The following ZSWIM5 variants were observed in gnomAD, a reference collection of about 807,000 sequenced individuals.
ZSWIM5 encodes the protein zinc finger SWIM domain-containing protein 5.
In ZSWIM5, 55 loss-of-function variants were observed where a neutral mutation model predicts 119.6. That is an observed-to-expected ratio of 0.46 (90% confidence interval 0.37 to 0.58). The LOEUF (loss-of-function observed/expected upper bound fraction) is 0.58, where lower values mean the gene tolerates loss of function less well. Among genes scored for constraint, ZSWIM5 ranks in the 20% least tolerant of loss-of-function variants. The probability of loss-of-function intolerance (pLI) is 0.00; values close to 1 mark genes in which losing one functional copy is unlikely to be tolerated. For synonymous variants in ZSWIM5, 537 were observed against 606.9 expected, an observed-to-expected ratio of 0.88 and a Z score of 1.69; for missense variants, 1,193 against 1,512.8, an observed-to-expected ratio of 0.79 and a Z score of 3.51.
At chr1:45,095,885 T>C (rs1209938670) in intron 1 of ZSWIM5, among the ~76,000 whole-genome samples, 1 of 151,794 alleles carries the variant, frequency 6.6e-6, no homozygotes, top group South Asian at 2.1e-4. Flanking sequence ...ATCTGTAAAA[T>C]AAAGAAAAAA....
At chr1:45,144,008 T>C (rs1234460506) in intron 1 of ZSWIM5, among the ~76,000 whole-genome samples, 6 of 152,058 alleles carry the variant, frequency 3.9e-5, no homozygotes, top group African/African-American at 7.2e-5. Flanking sequence ...CCTAAATAAA[T>C]AGAGAGATAT....
chr1:45,173,296 G>C (rs1423590290), intron 1 of ZSWIM5, among the ~76,000 whole-genome samples: 3 of 152,026 alleles, frequency 2.0e-5, no homozygotes, highest in African/African-American at 4.8e-5. Context: ...TACTGCTCTG[G>C]TACAGCACCA....
At chr1:45,130,137 A>T (rs1428821799) in intron 1 of ZSWIM5, among the ~76,000 whole-genome samples, 1 of 152,224 alleles carries the variant, frequency 6.6e-6, no homozygotes, top group East Asian at 1.9e-4. Context: ...ACCTCAAGTG[A>T]TCCACATGCC....
chr1:45,085,699 T>C (rs940286726), intron 2 of ZSWIM5, among the ~76,000 whole-genome samples: 10 of 152,062 alleles, frequency 6.6e-5, no homozygotes, highest in African/African-American at 2.4e-4. Flanking sequence ...GCCTCAAACA[T>C]CTTTGCTCCA....
At chr1:45,161,670 T>C (rs1645864463) in intron 1 of ZSWIM5, among the ~76,000 whole-genome samples, 2 of 152,346 alleles carry the variant, frequency 1.3e-5, no homozygotes, top group South Asian at 2.1e-4. Context: ...ATTGTAGTTA[T>C]AATTACAATA....
At chr1:45,183,801 G>C (rs1446013223) in intron 1 of ZSWIM5, among the ~76,000 whole-genome samples, 1 of 152,188 alleles carries the variant, frequency 6.6e-6, no homozygotes, top group East Asian at 1.9e-4. Flanking sequence ...TGGATTCACA[G>C]CTGAATTCTA....
rs1033500145 is a variant in ZSWIM5, at chr1:45,070,521, T to C, written c.953-10274A>G. On this transcript the variant is annotated intron_variant, in intron 2 of 13. Transcript: ENST00000359600. ...ATTTTCTGCCATCAAATTTGTAATATTCATGATTTTTTTCTGTTCTTTGCA... is the reference window on the plus strand; with the variant it reads ...ATTTTCTGCCATCAAATTTGTAATACTCATGATTTTTTTCTGTTCTTTGCA... The C allele has an allele frequency of 4.8e-6, 3 of 620,612 alleles. No homozygotes were observed. The African/African-American group carries it at 5.5e-5, about 11-fold the overall frequency. 38.4% of individuals were successfully genotyped at this position (620,612 alleles called of 1,614,324 possible).
rs201003392 is a variant in ZSWIM5, at chr1:45,068,092, TTTTTTTTTTTTTTTC to T, written c.953-7860_953-7846del. Among the ~76,000 whole-genome samples, 249 of 116,148 alleles carry T rather than the reference TTTTTTTTTTTTTTTC, an allele frequency of 2.1e-3. 4 individuals are homozygous for T. In the East Asian group the frequency reaches 0.052, roughly 24 times the overall value. The allele number at this position is 116,148 out of a possible 152,430, so 76.2% of individuals were successfully genotyped here. On this transcript the variant is annotated intron_variant, in intron 2 of 13. Coordinates refer to ENST00000359600, the MANE Select transcript of ZSWIM5 (RefSeq NM_020883.2). ...ATTAAGTCTAAGGAAGCAATTTTTC[TTTTTTTTTTTTTTTC>T]TTTTTTTTTTTTTGAGATGGAGTCT...
At chr1:45,183,628 C>CAA (rs1413622476) in intron 1 of ZSWIM5, among the ~76,000 whole-genome samples, 2 of 152,164 alleles carry the variant, frequency 1.3e-5, no homozygotes, top group African/African-American at 4.8e-5. Flanking sequence ...CACCTCTATG[C>CAA]AAATAAACTA....
chr1:45,080,766 C>T (rs1161355820), intron 2 of ZSWIM5, among the ~76,000 whole-genome samples: 1 of 152,084 alleles, frequency 6.6e-6, no homozygotes, highest in Admixed American at 6.6e-5. Context: ...GAACTGAAGT[C>T]CTGGCCAGGA....
intron 1 of ZSWIM5, among the ~76,000 whole-genome samples, chr1:45,119,676 T>C (rs346732): frequency 0.14 from 21,334 of 152,202 alleles, 1,552 homozygotes; most frequent in Non-Finnish European, 0.16. Context: ...TCATCGTCAG[T>C]AGCTGTCTTA....
intron 1 of ZSWIM5, among the ~76,000 whole-genome samples, chr1:45,152,925 C>G (rs1645805843): frequency 2.6e-5 from 4 of 151,464 alleles, no homozygotes; most frequent in Admixed American, 1.3e-4. Context: ...ACAAATAACC[C>G]CATTAAAAAA....
rs1645232244 is a variant in ZSWIM5 at position 45,072,850 on chromosome 1, T to C, written c.953-12603A>G. Among the ~76,000 whole-genome samples the C allele has an allele frequency of 6.6e-6, 1 of 152,050 alleles. No homozygotes were observed. The highest frequency in any genetic ancestry group is 2.4e-5 in the African/African-American group (1 of 41,284). On this transcript the variant is annotated intron_variant, in intron 2 of 13. Transcript: ENST00000359600. This position sits in a 1 kb window ranked among gnomAD's most constrained non-coding sequence, Gnocchi z 4.1. Reference sequence around the variant, plus strand: ...CTCTGTAGTATAATGTGAAGTCAAGTAATAACTCCAGTTTTGTTCTTTTTG... The same window carrying C: ...CTCTGTAGTATAATGTGAAGTCAAGCAATAACTCCAGTTTTGTTCTTTTTG...
chr1:45,020,032 T>G (rs1465403074), intron 13 of ZSWIM5, 34 bp downstream of exon 13: 1 of 1,594,982 alleles, frequency 6.3e-7, no homozygotes, highest in Non-Finnish European at 8.6e-7. Flanking sequence ...AGAAACTCCT[T>G]TCCCCTGGGG....
chr1:45,190,119 G>A (rs1450839688), intron 1 of ZSWIM5, among the ~76,000 whole-genome samples: 1 of 152,102 alleles, frequency 6.6e-6, no homozygotes, highest in African/African-American at 2.4e-5. Flanking sequence ...TTCAAGACCA[G>A]CTTGGGCAAC....
At chr1:45,120,900 C>T (rs1043657524) in intron 1 of ZSWIM5, among the ~76,000 whole-genome samples, 9 of 152,100 alleles carry the variant, frequency 5.9e-5, no homozygotes, top group Non-Finnish European at 1.0e-4. Context: ...ATAGATGTTT[C>T]GCTCCTAGTT....
At chr1:45,201,354 A>G (rs1256156678) in intron 1 of ZSWIM5, among the ~76,000 whole-genome samples, 1 of 152,188 alleles carries the variant, frequency 6.6e-6, no homozygotes, top group African/African-American at 2.4e-5. Flanking sequence ...GCATTTTTAC[A>G]GTAATATATA....
chr1:45,132,584 T>C (rs960958509), intron 1 of ZSWIM5, among the ~76,000 whole-genome samples: 1 of 152,164 alleles, frequency 6.6e-6, no homozygotes, highest in Non-Finnish European at 1.5e-5. Flanking sequence ...AACCACCATT[T>C]ATAATGTGCC....
intron 1 of ZSWIM5, among the ~76,000 whole-genome samples, chr1:45,154,833 G>T (rs143259593): frequency 1.2e-3 from 183 of 152,244 alleles, no homozygotes; most frequent in African/African-American, 4.2e-3. Flanking sequence ...AGTGAATGGA[G>T]ATTGTGCCAT....
Sources: gnomAD v4.1 joint callset for allele counts (sites outside exome capture counted in the v4.1 genomes callset) on GRCh38, gnomAD v4.1.1 for gene constraint, Gnocchi (gnomAD v3.1) non-coding constraint, MANE v1.5 for transcripts, NCBI Gene and HGNC (gene_info 2026-07-23, HGNC 2026-07-21) for gene names.